Variants in MAP2K5 observed in about 807,000 individuals in gnomAD.
MAP2K5 encodes the protein dual specificity mitogen-activated protein kinase kinase 5.
A neutral mutation model predicts 83.1 loss-of-function variants in MAP2K5; 49 were observed. The observed-to-expected ratio is 0.59, with a 90% CI of 0.47 to 0.75. The LOEUF (loss-of-function observed/expected upper bound fraction) is 0.75. Ranked by LOEUF, MAP2K5 falls within the 30% of genes least tolerant of loss-of-function variation. The pLI is 0.00. For missense variants in MAP2K5, 457 were observed against 557.5 expected (o/e 0.82, Z 1.82); for synonymous variants, 202 against 191.8 (o/e 1.05, Z -0.44).
At chr15:67,548,771 C>A (rs1041172240) in intron 1 of MAP2K5, among the ~76,000 whole-genome samples, 10 of 152,102 alleles carry the variant, frequency 6.6e-5, no homozygotes, top group African/African-American at 2.4e-4. Context: ...ACACTAAAAT[C>A]TTTTATAGAT....
intron 17 of MAP2K5, among the ~76,000 whole-genome samples, chr15:67,742,478 A>G (rs1476646898): frequency 1.3e-5 from 2 of 152,174 alleles, no homozygotes; most frequent in African/African-American, 2.4e-5. Flanking sequence ...AGAGTAGTCT[A>G]AAGGACCGTT....
At chr15:67,673,289 C>G (rs2087594422) in intron 13 of MAP2K5, among the ~76,000 whole-genome samples, 1 of 151,870 alleles carries the variant, frequency 6.6e-6, no homozygotes, top group Non-Finnish European at 1.5e-5. Context: ...TAAGGGCATC[C>G]TTTTTAAGGA....
rs565484690 is a variant in MAP2K5 at position 67,780,387 on chromosome 15, G to A, written c.1242+7635G>A. On this transcript the variant is annotated intron_variant, in intron 21 of 21. Transcript: ENST00000178640. This position sits in a 1 kb window ranked among gnomAD's most constrained non-coding sequence, Gnocchi z 5.0. ...CTAGATTGTAAGTTCCTTGAAGGAG[G>A]ATCATGATCTTATAATTCAGTGCCT... Among the ~76,000 whole-genome samples, 6 of 152,160 alleles carry A rather than the reference G, an allele frequency of 3.9e-5. No individual in the cohort carries two copies. The South Asian group carries it at 1.2e-3, about 32-fold the overall frequency.
intron 16 of MAP2K5, among the ~76,000 whole-genome samples, chr15:67,711,863 A>T (rs2088699639): frequency 6.6e-6 from 1 of 152,268 alleles, no homozygotes; most frequent in South Asian, 2.1e-4. Flanking sequence ...ATGTGGAGCC[A>T]GGAGTCAAGG....
At chr15:67,630,742 A>G in intron 8 of MAP2K5, 146 bp from the exon 9 acceptor site, 1 of 647,544 alleles carries the variant, frequency 1.5e-6, no homozygotes, top group Non-Finnish European at 2.7e-6. Flanking sequence ...CTCCATATAA[A>G]TGTAAATTAC....
intron 6 of MAP2K5, among the ~76,000 whole-genome samples, chr15:67,589,499 T>A (rs1195619691): frequency 6.6e-6 from 1 of 152,194 alleles, no homozygotes; most frequent in Admixed American, 6.5e-5. Context: ...TTCTGTAAAT[T>A]AGGATGATTA....
intron 2 of MAP2K5, among the ~76,000 whole-genome samples, chr15:67,560,067 A>C (rs11632574): frequency 0.43 from 65,561 of 152,136 alleles, 14,992 homozygotes; most frequent in Non-Finnish European, 0.51. Flanking sequence ...GATGGGCTGT[A>C]TATATCCAAG....
intron 4 of MAP2K5, among the ~76,000 whole-genome samples, chr15:67,584,672 CTTTTTTT>C (rs36111747): frequency 9.4e-6 from 1 of 106,104 alleles, no homozygotes; most frequent in Admixed American, 1.1e-4. Context: ...ATATCTTCTC[CTTTTTTT>C]TTTTTTTTTT....
intron 12 of MAP2K5, 180 bp downstream of exon 12, chr15:67,658,794 A>G (rs769044807): frequency 9.2e-5 from 59 of 643,850 alleles, no homozygotes; most frequent in Non-Finnish European, 1.4e-4. Context: ...ACATCACAAC[A>G]TAGTCACACG....
intron 1 of MAP2K5, among the ~76,000 whole-genome samples, chr15:67,545,793 A>G (rs998480887): frequency 5.9e-5 from 9 of 152,186 alleles, no homozygotes; most frequent in African/African-American, 2.2e-4. Flanking sequence ...CCTACCTCCT[A>G]GAGTTCTGAG....
chr15:67,598,739 A>G (rs2085583071), intron 7 of MAP2K5, among the ~76,000 whole-genome samples: 1 of 152,096 alleles, frequency 6.6e-6, no homozygotes, highest in Non-Finnish European at 1.5e-5. Flanking sequence ...GGTGGAGGGG[A>G]TATGACTGCA....
Position 67,769,587 on chromosome 15 carries a change from T to C in MAP2K5, c.1135-15T>C, listed in dbSNP as rs2090102666. On this transcript the variant is annotated splice_polypyrimidine_tract_variant and intron_variant, in intron 19 of 21. Coordinates refer to ENST00000178640, the MANE Select transcript of MAP2K5 (RefSeq NM_145160.3). This position sits in a 1 kb window ranked among gnomAD's most constrained non-coding sequence, Gnocchi z 5.2. ...CTGTTGTGACTTTTGGTGACATGTT[T>C]TTCCTCCATCACAGGATTCGCCCGT... 6.2e-7 allele frequency: 1 copy of C among 1,613,238 alleles called. No individual in the cohort carries two copies. The highest frequency in any genetic ancestry group is 8.5e-7 in the Non-Finnish European group (1 of 1,179,440).
At position 67,552,274 on chromosome 15, in the gene MAP2K5, C is replaced by T. The variant is rs1429794040; in HGVS notation, c.184+2192C>T. ...CTGTCTGAAATACATACTAGTGTTG[C>T]AAGCTTTATTCAGACTCTTTGCAGT... On this transcript the variant is annotated intron_variant, in intron 2 of 21. Coordinates refer to ENST00000178640, the MANE Select transcript of MAP2K5 (RefSeq NM_145160.3). The surrounding 1 kb of genome is among the most constrained non-coding windows in gnomAD (Gnocchi z 4.2). 6.6e-6 allele frequency among the ~76,000 whole-genome samples: 1 copy of T among 152,152 alleles called. No individual in the cohort carries two copies. The highest frequency in any genetic ancestry group is 1.9e-4 in the East Asian group (1 of 5,190).
chr15:67,563,228 T>A lies in MAP2K5; in HGVS notation c.185-55T>A. On this transcript the variant is annotated intron_variant, in intron 2 of 21. Coordinates refer to ENST00000178640, the MANE Select transcript of MAP2K5 (RefSeq NM_145160.3). This position sits in a 1 kb window ranked among gnomAD's most constrained non-coding sequence, Gnocchi z 4.5. ...AATAAACCGTTTATATTATGTTCCC[T>A]TTGTGCATTAAACAAATGCACACCT... 1 of 1,582,550 alleles carries A rather than the reference T, an allele frequency of 6.3e-7. No individual in the cohort carries two copies. The highest frequency in any genetic ancestry group is 1.3e-5 in the African/African-American group (1 of 74,206).
At chr15:67,613,553 C>T (rs894495400) in intron 8 of MAP2K5, among the ~76,000 whole-genome samples, 1 of 152,044 alleles carries the variant, frequency 6.6e-6, no homozygotes, top group African/African-American at 2.4e-5. Flanking sequence ...TCTGCATCTG[C>T]CCCCTGGAAA....
intron 3 of MAP2K5, among the ~76,000 whole-genome samples, chr15:67,568,734 C>A (rs145035591): frequency 6.6e-6 from 1 of 152,004 alleles, no homozygotes; most frequent in African/African-American, 2.4e-5. Flanking sequence ...TGGCTGGGCG[C>A]GGTGGCTCAC....
At chr15:67,605,902 A>G (rs2085768723) in intron 8 of MAP2K5, among the ~76,000 whole-genome samples, 1 of 152,208 alleles carries the variant, frequency 6.6e-6, no homozygotes, top group Admixed American at 6.5e-5. Flanking sequence ...TAGAACATTC[A>G]CCTAGAAGAA....
At chr15:67,626,564 A>C (rs1289456767) in intron 8 of MAP2K5, among the ~76,000 whole-genome samples, 4 of 152,090 alleles carry the variant, frequency 2.6e-5, no homozygotes, top group Non-Finnish European at 4.4e-5. Context: ...TATAGGGGAT[A>C]GGGTTCCACT....
rs145294578 is a variant in MAP2K5, at chr15:67,572,985, C to T, written c.253-7769C>T. ...TGCTGGGATTACAGGCGTGAGCCAC[C>T]GTGCCTGGCCTGATATTATTTTGTT... On this transcript the variant is annotated intron_variant, in intron 3 of 21. Transcript: ENST00000178640. The surrounding 1 kb of genome is among the most constrained non-coding windows in gnomAD (Gnocchi z 4.2). 0.023 allele frequency among the ~76,000 whole-genome samples: 3,455 copies of T among 152,202 alleles called. 135 individuals are homozygous for T. Among genetic ancestry groups the T allele is most frequent in the African/African-American group, 0.079 (3,283 of 41,522 alleles).
Sources: allele counts gnomAD v4.1 joint callset (sites outside exome capture counted in the v4.1 genomes callset), GRCh38; gene constraint gnomAD v4.1.1; non-coding constraint Gnocchi (gnomAD v3.1); transcripts MANE v1.5; gene names NCBI Gene and HGNC (gene_info 2026-07-23, HGNC 2026-07-21).